CHST11: variants seen among roughly 807,000 people sequenced by gnomAD.
The protein encoded by CHST11 is carbohydrate sulfotransferase 11.
Under a neutral mutation model 30.4 loss-of-function variants are expected in CHST11, and 9 were observed. The ratio of observed to expected loss-of-function variants is 0.30; its 90% CI spans 0.18 to 0.52. CHST11 has a LOEUF of 0.52. Among genes scored for constraint, CHST11 ranks in the 20% least tolerant of loss-of-function variants. The pLI is 0.97. For synonymous variants in CHST11, 152 were observed against 187.8 expected (o/e 0.81, Z 1.56); for missense variants, 348 against 460.6 (o/e 0.76, Z 2.24).
chr12:104,598,476 C>T (rs1285712580), intron 1 of CHST11, among the ~76,000 whole-genome samples: 1 of 152,004 alleles, frequency 6.6e-6, no homozygotes, highest in Non-Finnish European at 1.5e-5. Context: ...AATCAGAAAG[C>T]ATAAAGAGTA....
At chr12:104,539,932 C>T (rs2038271424) in intron 1 of CHST11, among the ~76,000 whole-genome samples, 1 of 152,156 alleles carries the variant, frequency 6.6e-6, no homozygotes, top group African/African-American at 2.4e-5. Context: ...CCTCAGCCTC[C>T]CAAAGTGCTG....
intron 1 of CHST11, among the ~76,000 whole-genome samples, chr12:104,472,026 T>C (rs2037514438): frequency 6.6e-6 from 1 of 152,134 alleles, no homozygotes; most frequent in African/African-American, 2.4e-5. Context: ...AGTGGCATGA[T>C]CATAGTTCAC....
intron 1 of CHST11, among the ~76,000 whole-genome samples, chr12:104,517,454 CCT>C (rs2038035257): frequency 6.6e-6 from 1 of 152,048 alleles, no homozygotes; most frequent in South Asian, 2.1e-4. Context: ...CTTCCAGACC[CCT>C]GTTTGCAATC....
intron 2 of CHST11, among the ~76,000 whole-genome samples, chr12:104,624,511 C>G (rs1266606665): frequency 1.6e-5 from 2 of 124,242 alleles, no homozygotes; most frequent in Non-Finnish European, 3.4e-5. Flanking sequence ...TTGTGCTTGC[C>G]ATATCAAATG....
At chr12:104,621,112 C>T (rs978049513) in intron 2 of CHST11, among the ~76,000 whole-genome samples, 1 of 152,228 alleles carries the variant, frequency 6.6e-6, no homozygotes, top group Non-Finnish European at 1.5e-5. Context: ...CCTTGGCAGA[C>T]TTTCAAAAGC....
intron 1 of CHST11, among the ~76,000 whole-genome samples, chr12:104,536,782 C>T (rs552825453): frequency 6.6e-6 from 1 of 152,290 alleles, no homozygotes; most frequent in South Asian, 2.1e-4. Flanking sequence ...ATGTTTATGT[C>T]CCATCTCCCC....
At chr12:104,461,246 TTCTGGAGAAGGTTGG>T (rs1437747611) in intron 1 of CHST11, among the ~76,000 whole-genome samples, 1 of 152,176 alleles carries the variant, frequency 6.6e-6, no homozygotes, top group African/African-American at 2.4e-5. Context: ...GTGTCCTGGA[TTCTGGAGAAGGTTGG>T]TCTTGTTTAG....
At chr12:104,542,867 AG>A (rs2038298991) in intron 1 of CHST11, among the ~76,000 whole-genome samples, 2 of 152,228 alleles carry the variant, frequency 1.3e-5, no homozygotes, top group Non-Finnish European at 2.9e-5. Flanking sequence ...AGGACCCCCA[AG>A]GGTTGTTACC....
intron 2 of CHST11, among the ~76,000 whole-genome samples, chr12:104,686,365 G>A (rs2039846649): frequency 6.6e-6 from 1 of 152,210 alleles, no homozygotes; most frequent in African/African-American, 2.4e-5. Context: ...ATGTGGGACA[G>A]CTGTGCTCTG....
intron 1 of CHST11, among the ~76,000 whole-genome samples, chr12:104,464,656 C>T (rs1350711467): frequency 6.6e-6 from 1 of 152,146 alleles, no homozygotes; most frequent in Non-Finnish European, 1.5e-5. Flanking sequence ...TACAGGTGTG[C>T]CACACACCCA....
chr12:104,641,545 T>C (rs992936125), intron 2 of CHST11, among the ~76,000 whole-genome samples: 1 of 152,214 alleles, frequency 6.6e-6, no homozygotes, highest in African/African-American at 2.4e-5. Flanking sequence ...AGCACCCATG[T>C]ACTCCAGTTC....
chr12:104,657,465 T>C (rs866346570), intron 2 of CHST11, among the ~76,000 whole-genome samples: 1 of 152,256 alleles, frequency 6.6e-6, no homozygotes. Context: ...CCAGCCTTTG[T>C]TGGGAATGGA....
intron 2 of CHST11, among the ~76,000 whole-genome samples, chr12:104,755,685 C>T (rs1490980355): frequency 6.6e-6 from 1 of 152,134 alleles, no homozygotes; most frequent in Non-Finnish European, 1.5e-5. Context: ...ACTCGGGGGG[C>T]TGAGGCAGGA....
intron 1 of CHST11, among the ~76,000 whole-genome samples, chr12:104,587,423 G>T (rs1453801282): frequency 6.6e-6 from 1 of 151,970 alleles, no homozygotes; most frequent in Non-Finnish European, 1.5e-5. Context: ...TTTGAGATAG[G>T]GTCTCAAGCG....
intron 1 of CHST11, among the ~76,000 whole-genome samples, chr12:104,583,373 T>C (rs1354854686): frequency 6.6e-6 from 1 of 152,154 alleles, no homozygotes; most frequent in African/African-American, 2.4e-5. Context: ...GGGCTCAGCT[T>C]TGCATCTTGG....
intron 1 of CHST11, among the ~76,000 whole-genome samples, chr12:104,519,594 A>T (rs973700855): frequency 2.0e-5 from 3 of 152,276 alleles, no homozygotes; most frequent in African/African-American, 7.2e-5. Context: ...CACTTGTCCA[A>T]TTCCAACTCC....
chr12:104,728,900 C>T (rs2040235541), intron 2 of CHST11, among the ~76,000 whole-genome samples: 2 of 152,134 alleles, frequency 1.3e-5, no homozygotes, highest in Non-Finnish European at 2.9e-5. Flanking sequence ...CTTCCAGAAT[C>T]AAGAGCCAGT....
rs1477181339 is a variant in CHST11, at chr12:104,572,986, T to C, written c.119-28920T>C. Among the ~76,000 whole-genome samples the C allele has an allele frequency of 1.3e-5, 2 of 152,212 alleles. 1 individual carries two copies. Among genetic ancestry groups the C allele is most frequent in the East Asian group, 3.8e-4 (2 of 5,202 alleles). On this transcript the variant is annotated intron_variant, in intron 1 of 2. Coordinates refer to ENST00000303694, the MANE Select transcript of CHST11 (RefSeq NM_018413.6). ...AACCCCATCGTCTCAGCCCAAAATCTCCTTAAGCTGATAGGCAACTTCAGC... is the reference window on the plus strand; with the variant it reads ...AACCCCATCGTCTCAGCCCAAAATCCCCTTAAGCTGATAGGCAACTTCAGC...
chr12:104,746,476 T>G (rs1021919293), intron 2 of CHST11, among the ~76,000 whole-genome samples: 3 of 152,198 alleles, frequency 2.0e-5, no homozygotes, highest in Non-Finnish European at 4.4e-5. Flanking sequence ...TGAGGCTGGC[T>G]TGGGGGCTGA....
Sources: gnomAD v4.1 joint callset for allele counts (sites outside exome capture counted in the v4.1 genomes callset) on GRCh38, gnomAD v4.1.1 for gene constraint, MANE v1.5 for transcripts, NCBI Gene and HGNC (gene_info 2026-07-23, HGNC 2026-07-21) for gene names.